Variants in FAM53A observed in about 807,000 individuals in gnomAD.
The protein encoded by FAM53A is protein FAM53A.
Under a neutral mutation model 26.6 loss-of-function variants are expected in FAM53A, and 28 were observed. The observed-to-expected ratio is 1.05, with a 90% CI of 0.78 to 1.45. FAM53A has a LOEUF of 1.45. Among genes scored for constraint, FAM53A ranks in the 40% most tolerant of loss-of-function variants. The pLI, the probability that FAM53A is intolerant of heterozygous loss-of-function variation, is 0.00. For missense variants in FAM53A, 650 were observed against 575.8 expected (o/e 1.13, Z -1.32); for synonymous variants, 290 against 253.1 (o/e 1.15, Z -1.38).
chr4:1,661,720 G>A (rs1217039347), intron 2 of FAM53A, among the ~76,000 whole-genome samples: 3 of 151,962 alleles, frequency 2.0e-5, no homozygotes, highest in Middle Eastern at 3.4e-3. Context: ...GCAGCTCAGC[G>A]AGGCACCCGT....
downstream of FAM53A, among the ~76,000 whole-genome samples, chr4:1,636,495 T>C (rs1215847372): frequency 2.6e-5 from 4 of 152,238 alleles, no homozygotes; most frequent in African/African-American, 7.2e-5. Context: ...GGAGATCCCG[T>C]CCGTCCTCGC....
At chr4:1,601,609 G>GCCCCATCTGCCATGCA in the FAM53A span, among the ~76,000 whole-genome samples, 1 of 108,508 alleles carries the variant, frequency 9.2e-6, no homozygotes, top group African/African-American at 3.1e-5. Context: ...TCTGCCATGC[G>GCCCCATCTGCCATGCA]CCCCATCTGC....
In FAM53A at chr4:1,641,368, C is replaced by G. The variant is rs1049019214; in HGVS notation, c.1122G>C (p.Gly374=). The G allele has an allele frequency of 2.0e-5, 32 of 1,611,022 alleles. No individual in the cohort carries two copies. Among genetic ancestry groups the G allele is most frequent in the Non-Finnish European group, 2.7e-5 (32 of 1,179,204 alleles). ...AGACGCCCTCCTCCCCGACACTGTCCCCATCACGGGGGTCCCCGCTGCTCC... is the reference window on the plus strand; with the variant it reads ...AGACGCCCTCCTCCCCGACACTGTCGCCATCACGGGGGTCCCCGCTGCTCC... ...SRRSSGDPRD[G]DSVGEEGVFP... Residue 374 remains glycine, a synonymous_variant, in exon 5 of 5, where the codon GGG becomes GGC. Transcript: ENST00000308132.
At chr4:1,664,613 C>T (rs564090557) in intron 2 of FAM53A, among the ~76,000 whole-genome samples, 3 of 152,314 alleles carry the variant, frequency 2.0e-5, no homozygotes, top group South Asian at 4.1e-4. Context: ...GCTGGTCTCA[C>T]GTGTAAACAA....
At chr4:1,612,160 T>A in the FAM53A span, among the ~76,000 whole-genome samples, 1 of 152,204 alleles carries the variant, frequency 6.6e-6, no homozygotes, top group Non-Finnish European at 1.5e-5. Flanking sequence ...CGTTTATGAT[T>A]GAAATGAGAT....
the FAM53A span, among the ~76,000 whole-genome samples, chr4:1,596,970 C>T: frequency 2.9e-4 from 44 of 152,226 alleles, no homozygotes; most frequent in African/African-American, 8.7e-4. Flanking sequence ...TGGGCAGCTC[C>T]GCACCCTCCT....
At chr4:1,638,860 C>T (rs1197187407), downstream of FAM53A, among the ~76,000 whole-genome samples, 1 of 152,214 alleles carries the variant, frequency 6.6e-6, no homozygotes, top group Non-Finnish European at 1.5e-5. Flanking sequence ...CAGCTGGGAA[C>T]TGTTCTAGAC....
rs758641802 is a variant in FAM53A at position 1,641,466 on chromosome 4, C to T, written c.1024G>A (p.Gly342Ser). The stretch of plus-strand genomic sequence containing the variant: ...GGGTGGACAGGGCTGGTCCTGAGGC[C>T]CCTCTGGCTGCAGCCAGGCATGGTG... ...GITMPGCSQR[G>S]LRTSPVHPNL... The change falls in exon 5 of 5, where the codon GGC (glycine) becomes AGC (serine). Residue 342 changes from glycine to serine, a missense_variant. Coordinates refer to ENST00000308132, the MANE Select transcript of FAM53A (RefSeq NM_001174070.3). The T allele has an allele frequency of 1.2e-5, 20 of 1,614,016 alleles. No homozygotes were observed. In the East Asian group the frequency reaches 4.5e-4, roughly 36 times the overall value.
chr4:1,667,882 G>A (rs192075394), intron 2 of FAM53A, among the ~76,000 whole-genome samples: 13 of 152,244 alleles, frequency 8.5e-5, no homozygotes, highest in African/African-American at 3.1e-4. Context: ...AGGGCGGGGG[G>A]GTCCTGAAGG....
downstream of FAM53A, among the ~76,000 whole-genome samples, chr4:1,613,947 C>T (rs1714715768): frequency 6.6e-6 from 1 of 152,234 alleles, no homozygotes; most frequent in Admixed American, 6.5e-5. Context: ...CAGCAGGCTT[C>T]AGAAACTGAT....
At chr4:1,574,968 C>A in the FAM53A span, among the ~76,000 whole-genome samples, 12 of 152,264 alleles carry the variant, frequency 7.9e-5, no homozygotes, top group African/African-American at 2.7e-4. Flanking sequence ...GGATGAGTGA[C>A]AGGCCTCCTT....
the FAM53A span, among the ~76,000 whole-genome samples, chr4:1,606,068 T>C: frequency 1.3e-5 from 2 of 148,368 alleles, no homozygotes; most frequent in Non-Finnish European, 3.0e-5. Flanking sequence ...AGATGGAGTC[T>C]CGCTCTGTCG....
At chr4:1,671,800 G>C (rs1714680820) in intron 1 of FAM53A, among the ~76,000 whole-genome samples, 1 of 152,224 alleles carries the variant, frequency 6.6e-6, no homozygotes, top group Non-Finnish European at 1.5e-5. Context: ...ATTGCACAAA[G>C]CACACACACA....
chr4:1,643,263 A>T (rs543282682), intron 4 of FAM53A, among the ~76,000 whole-genome samples: 9 of 152,020 alleles, frequency 5.9e-5, no homozygotes, highest in Middle Eastern at 3.2e-3. Flanking sequence ...TCAGGAGATC[A>T]AGACCATCCT....
Position 1,668,819 on chromosome 4 carries a change from T to TTGC in FAM53A, c.-81_-79dup. 1 of 1,407,872 alleles carries TTGC rather than the reference T, an allele frequency of 7.1e-7. No individual in the cohort carries two copies. Among genetic ancestry groups the TTGC allele is most frequent in the Non-Finnish European group, 1.0e-6 (1 of 1,000,180 alleles). The allele number at this position is 1,407,872 out of a possible 1,614,324, so 87.2% of individuals were successfully genotyped here. A position where few individuals can be genotyped will look rare whatever the true frequency, so the allele number is the denominator to read the frequency against. On this transcript the variant is annotated 5_prime_UTR_variant, in exon 2 of 5. Coordinates refer to ENST00000308132, the MANE Select transcript of FAM53A (RefSeq NM_001174070.3). ...CATCAGACTTGCGAAGGCCCCAGCA[T>TTGC]TGCTGGGTCAGCCAAATCTCAAGGT...
the FAM53A span, among the ~76,000 whole-genome samples, chr4:1,585,274 CTCTTTTT>C: frequency 1.8e-4 from 14 of 79,262 alleles, no homozygotes; most frequent in East Asian, 3.1e-3. Context: ...CTCTCTCTCT[CTCTTTTT>C]TTTTTTTTTT....
At chr4:1,641,841 G>A (rs984953116) in intron 4 of FAM53A, among the ~76,000 whole-genome samples, 2 of 152,104 alleles carry the variant, frequency 1.3e-5, no homozygotes, top group South Asian at 2.1e-4. Context: ...CTCAGCCCCC[G>A]CCCAGCTGGT....
the FAM53A span, among the ~76,000 whole-genome samples, chr4:1,593,094 G>C: frequency 6.6e-6 from 1 of 152,164 alleles, no homozygotes; most frequent in Non-Finnish European, 1.5e-5. Context: ...GGCTTTCTCC[G>C]CCGGCGGGGA....
At chr4:1,590,943 T>C in the FAM53A span, among the ~76,000 whole-genome samples, 3 of 132,864 alleles carry the variant, frequency 2.3e-5, no homozygotes, top group Non-Finnish European at 4.8e-5. Context: ...TCTAAGACTA[T>C]ATTATTTAAT....
Sources: allele counts gnomAD v4.1 joint callset (sites outside exome capture counted in the v4.1 genomes callset), GRCh38; gene constraint gnomAD v4.1.1; transcripts MANE v1.5; gene names NCBI Gene and HGNC (gene_info 2026-07-23, HGNC 2026-07-21).